The following EYS variants were observed in gnomAD, a reference collection of about 807,000 sequenced individuals.
EYS encodes protein eyes shut homolog.
EYS carries 250 observed loss-of-function variants against 282.1 expected under a neutral mutation model. The observed-to-expected ratio is 0.89, with a 90% CI of 0.80 to 0.98. EYS has a LOEUF of 0.98. EYS is among the 50% of genes least tolerant of loss of function. The pLI, the probability that EYS is intolerant of heterozygous loss-of-function variation, is 0.00. For synonymous variants in EYS, 1,355 were observed against 1,282.9 expected (o/e 1.06, Z -1.20); for missense variants, 4,016 against 3,709.0 (o/e 1.08, Z -2.15).
chr6:64,968,120 C>T (rs183425705), intron 14 of EYS, among the ~76,000 whole-genome samples: 2 of 152,250 alleles, frequency 1.3e-5, no homozygotes. Flanking sequence ...CCATATATAA[C>T]ACTAGAGTCC....
At chr6:65,682,748 C>T (rs1358131422) in intron 1 of EYS, among the ~76,000 whole-genome samples, 1 of 151,680 alleles carries the variant, frequency 6.6e-6, no homozygotes, top group Non-Finnish European at 1.5e-5. Flanking sequence ...GAGACAAATA[C>T]AGAGTTTCAA....
At chr6:64,535,587 A>T (rs1764494141) in intron 26 of EYS, among the ~76,000 whole-genome samples, 1 of 151,726 alleles carries the variant, frequency 6.6e-6, no homozygotes, top group Non-Finnish European at 1.5e-5. Flanking sequence ...AAAAAAAAAA[A>T]AAAATCAGCC....
chr6:64,000,616 T>C (rs1768051462), intron 33 of EYS, among the ~76,000 whole-genome samples: 1 of 152,178 alleles, frequency 6.6e-6, no homozygotes. Flanking sequence ...AACTTAGTAA[T>C]ATTTTTTCTT....
chr6:65,316,105 A>G (rs1186799651), intron 11 of EYS, among the ~76,000 whole-genome samples: 1 of 152,174 alleles, frequency 6.6e-6, no homozygotes, highest in African/African-American at 2.4e-5. Flanking sequence ...GTTATAGTTA[A>G]TTTGTAAAAG....
intron 28 of EYS, among the ~76,000 whole-genome samples, chr6:64,394,648 T>G (rs529505224): frequency 5.9e-5 from 9 of 151,850 alleles, no homozygotes; most frequent in African/African-American, 2.2e-4. Flanking sequence ...GATTAAAGAC[T>G]TAAACATTAG....
At chr6:64,919,561 A>G (rs1768274093) in intron 15 of EYS, among the ~76,000 whole-genome samples, 1 of 151,924 alleles carries the variant, frequency 6.6e-6, no homozygotes, top group South Asian at 2.1e-4. Flanking sequence ...TCAAAAAAAT[A>G]AATTCAGACA....
At chr6:64,412,952 C>A (rs875375) in intron 28 of EYS, among the ~76,000 whole-genome samples, 56,130 of 151,684 alleles carry the variant, frequency 0.37, 11,132 homozygotes, top group African/African-American at 0.53. Context: ...CTAATTTAGC[C>A]GAATTTATGA....
chr6:65,422,128 A>C (rs868318322), intron 5 of EYS, among the ~76,000 whole-genome samples: 1 of 152,088 alleles, frequency 6.6e-6, no homozygotes. Context: ...AAGGCACAAG[A>C]AAACAATGTA....
At chr6:64,190,136 C>G (rs1034005141) in intron 31 of EYS, among the ~76,000 whole-genome samples, 3 of 152,076 alleles carry the variant, frequency 2.0e-5, no homozygotes, top group Non-Finnish European at 4.4e-5. Context: ...TGTGAAGGTA[C>G]CGATAAGTAA....
intron 13 of EYS, among the ~76,000 whole-genome samples, chr6:65,015,806 C>T (rs1254680379): frequency 8.4e-6 from 1 of 118,980 alleles, no homozygotes; most frequent in Non-Finnish European, 1.7e-5. Flanking sequence ...AGGCGGAGGT[C>T]GATGGATCAT....
chr6:65,597,139 A>T (rs2149787813), intron 2 of EYS, among the ~76,000 whole-genome samples: 1 of 152,236 alleles, frequency 6.6e-6, no homozygotes, highest in African/African-American at 2.4e-5. Flanking sequence ...TTTAAAAATG[A>T]TTCCTGCTCA....
chr6:64,626,528 T>C (rs7760032), intron 22 of EYS, among the ~76,000 whole-genome samples: 91,566 of 151,966 alleles, frequency 0.6, 27,744 homozygotes, highest in South Asian at 0.68. Flanking sequence ...CGGTGGGCTC[T>C]AAATCCAGTG....
At chr6:65,591,475 A>C (rs1251551935) in intron 2 of EYS, among the ~76,000 whole-genome samples, 1 of 151,996 alleles carries the variant, frequency 6.6e-6, no homozygotes, top group East Asian at 1.9e-4. Context: ...ATACATTTAA[A>C]AGAAAACAAC....
At chr6:64,717,546 A>G (rs1771436454) in intron 22 of EYS, among the ~76,000 whole-genome samples, 1 of 152,192 alleles carries the variant, frequency 6.6e-6, no homozygotes, top group Non-Finnish European at 1.5e-5. Flanking sequence ...CTGTACATAC[A>G]GATGAAGCTT....
chr6:65,523,996 C>T (rs1403052355), intron 2 of EYS, among the ~76,000 whole-genome samples: 2 of 152,172 alleles, frequency 1.3e-5, no homozygotes, highest in East Asian at 1.9e-4. Flanking sequence ...CTCAGCCTCC[C>T]GAGTAGCTGG....
rs1260312589 is a variant in EYS at position 65,026,916 on chromosome 6, C to CAAAAAAAA, written c.2138-29221_2138-29214dup. Among the ~76,000 whole-genome samples, 54 of 107,810 alleles carry CAAAAAAAA rather than the reference C, an allele frequency of 5.0e-4. 1 individual carries two copies. The highest frequency in any genetic ancestry group is 1.2e-3 in the East Asian group (4 of 3,340). 70.7% of individuals were successfully genotyped at this position (107,810 alleles called of 152,430 possible). ...TGGGCGACAGAGTGAGACTCCGTCT[C>CAAAAAAAA]AAAAAAAAAAAAAAGATTCAGATAT... On this transcript the variant is annotated intron_variant, in intron 13 of 42. Transcript: ENST00000503581.
chr6:64,430,886 A>G (rs1774555639), intron 28 of EYS, among the ~76,000 whole-genome samples: 1 of 152,196 alleles, frequency 6.6e-6, no homozygotes, highest in South Asian at 2.1e-4. Context: ...GGAACACTTC[A>G]ACAATATAAT....
At chr6:65,126,710 T>A (rs1375170335) in intron 12 of EYS, among the ~76,000 whole-genome samples, 1 of 152,180 alleles carries the variant, frequency 6.6e-6, no homozygotes, top group Non-Finnish European at 1.5e-5. Context: ...TTCTGGAGCC[T>A]CAAAATATTT....
intron 2 of EYS, among the ~76,000 whole-genome samples, chr6:65,522,672 A>T (rs1414372090): frequency 6.6e-6 from 1 of 152,196 alleles, no homozygotes; most frequent in Non-Finnish European, 1.5e-5. Flanking sequence ...AATTTTTATT[A>T]TGTATTTTGC....
Sources: allele counts gnomAD v4.1 joint callset (sites outside exome capture counted in the v4.1 genomes callset), GRCh38; gene constraint gnomAD v4.1.1; transcripts MANE v1.5; gene names NCBI Gene and HGNC (gene_info 2026-07-23, HGNC 2026-07-21).